Variants in HEG1 observed in about 807,000 individuals in gnomAD.
HEG1 encodes the protein protein HEG homolog 1.
In HEG1, 56 loss-of-function variants were observed where a neutral mutation model predicts 125.6. That is an observed-to-expected ratio of 0.45 (90% CI 0.36 to 0.56). The LOEUF is 0.56. Among genes scored for constraint, HEG1 ranks in the 20% least tolerant of loss-of-function variants. HEG1 has a pLI of 0.00. For missense variants in HEG1, 1,523 were observed against 1,670.0 expected, an observed-to-expected ratio of 0.91 and a Z score of 1.53; for synonymous variants, 644 against 668.5, an observed-to-expected ratio of 0.96 and a Z score of 0.57.
chr3:125,001,735 C>T (rs532860828), intron 11 of HEG1, 117 bp downstream of exon 11: 2 of 1,145,326 alleles, frequency 1.7e-6, no homozygotes, highest in African/African-American at 1.6e-5. Flanking sequence ...ACACCCATGC[C>T]AAAAATAGGC....
At position 124,968,343 on chromosome 3, in the gene HEG1, C is replaced by T. The variant is rs1210458791; in HGVS notation, c.*2309G>A. On this transcript the variant is annotated 3_prime_UTR_variant, in exon 17 of 17. Coordinates refer to ENST00000311127, the MANE Select transcript of HEG1 (RefSeq NM_020733.2). ...AGCCTCATGCTCTGGAGGTGCCTTC[C>T]CCACCCCCAAACGCCTCCTGGAAAC... 6.6e-6 allele frequency: 1 copy of T among 152,326 alleles called. No individual in the cohort carries two copies. Among genetic ancestry groups the T allele is most frequent in the Non-Finnish European group, 1.5e-5 (1 of 68,140 alleles). 9.4% of individuals were successfully genotyped at this position (152,326 alleles called of 1,614,324 possible).
intron 1 of HEG1, among the ~76,000 whole-genome samples, chr3:125,031,366 T>A (rs1175177306): frequency 6.6e-6 from 1 of 152,148 alleles, no homozygotes; most frequent in African/African-American, 2.4e-5. Context: ...CAAACTAATT[T>A]GGAATCCAAT....
chr3:125,027,634 C>T, intron 2 of HEG1, 127 bp from the exon 3 acceptor site: 1 of 793,484 alleles, frequency 1.3e-6, no homozygotes, highest in Non-Finnish European at 1.9e-6. Context: ...GAGAATAATT[C>T]AGTCTATGAA....
intron 1 of HEG1, among the ~76,000 whole-genome samples, chr3:125,041,796 A>G (rs1937595631): frequency 6.6e-6 from 1 of 152,238 alleles, no homozygotes; most frequent in Admixed American, 6.5e-5. Flanking sequence ...AACACATGCT[A>G]CAACATGGGT....
At chr3:125,019,042 A>G (rs1050664848) in intron 5 of HEG1, among the ~76,000 whole-genome samples, 4 of 151,736 alleles carry the variant, frequency 2.6e-5, no homozygotes, top group Non-Finnish European at 5.9e-5. Flanking sequence ...AATTTTTTGT[A>G]TTGTTAGTAG....
At chr3:125,031,503 C>T (rs1327871602) in intron 1 of HEG1, among the ~76,000 whole-genome samples, 2 of 152,116 alleles carry the variant, frequency 1.3e-5, no homozygotes, top group East Asian at 3.8e-4. Flanking sequence ...TGTTATTTCT[C>T]TTTCTGTTTG....
At chr3:125,018,202 C>A (rs979686861) in intron 5 of HEG1, among the ~76,000 whole-genome samples, 1 of 151,938 alleles carries the variant, frequency 6.6e-6, no homozygotes, top group Non-Finnish European at 1.5e-5. Flanking sequence ...TATTAAGCCA[C>A]GAAAAGGAAC....
At position 125,033,331 on chromosome 3, in the gene HEG1, G is replaced by A. The variant is rs118130837; in HGVS notation, c.317-3843C>T. The stretch of plus-strand genomic sequence containing the variant: ...ACCTTGAATTTCTGTTCTGATGGCT[G>A]CCAAGAATCAGGAGATGGGAGCCAC... On this transcript the variant is annotated intron_variant, in intron 1 of 16. Coordinates refer to ENST00000311127, the MANE Select transcript of HEG1 (RefSeq NM_020733.2). Among the ~76,000 whole-genome samples, 11 of 152,212 alleles carry A rather than the reference G, an allele frequency of 7.2e-5. No individual in the cohort carries two copies. In the East Asian group the frequency reaches 2.1e-3, roughly 29 times the overall value.
intron 3 of HEG1, among the ~76,000 whole-genome samples, chr3:125,026,445 T>C (rs2107706231): frequency 6.6e-6 from 1 of 152,218 alleles, no homozygotes. Flanking sequence ...GAGCTGAGAC[T>C]TAAGTGATGA....
chr3:125,001,199 C>G (rs1319876923), intron 11 of HEG1, among the ~76,000 whole-genome samples: 2 of 150,982 alleles, frequency 1.3e-5, no homozygotes, highest in African/African-American at 4.9e-5. Flanking sequence ...AATGTGCAAA[C>G]AAACAAACAC....
intron 3 of HEG1, among the ~76,000 whole-genome samples, chr3:125,023,231 A>G (rs1012266766): frequency 8.8e-6 from 1 of 113,036 alleles, no homozygotes; most frequent in Non-Finnish European, 2.0e-5. Context: ...AAACAAAACA[A>G]ACAAACCAAA....
intron 5 of HEG1, among the ~76,000 whole-genome samples, chr3:125,017,764 C>CA (rs750609525): frequency 9.9e-5 from 15 of 151,462 alleles, no homozygotes; most frequent in Non-Finnish European, 1.9e-4. Flanking sequence ...CTCATGCCTG[C>CA]AATCCCAGCA....
In HEG1 at chr3:125,020,990, G is replaced by T. The variant is rs1937327067; in HGVS notation, c.1054C>A (p.Pro352Thr). The T allele has an allele frequency of 6.2e-7, 1 of 1,613,744 alleles. No individual in the cohort carries two copies. The highest frequency in any genetic ancestry group is 1.7e-5 in the Admixed American group (1 of 59,988). The part of the protein sequence containing the change: ...TLRSLTVSLG[P>T]VSKTEGFPKD... Reference sequence around the variant, plus strand: ...GGGAAGCCTTCTGTCTTGCTCACAGGTCCCAGACTGACCGTCAAAGATCGC... The same window carrying T: ...GGGAAGCCTTCTGTCTTGCTCACAGTTCCCAGACTGACCGTCAAAGATCGC... The change falls in exon 4 of 17, where the codon CCT becomes ACT. Residue 352 changes from proline to threonine, a missense_variant. Coordinates refer to ENST00000311127, the MANE Select transcript of HEG1 (RefSeq NM_020733.2).
At chr3:125,017,864 TAA>T (rs1285881755) in intron 5 of HEG1, among the ~76,000 whole-genome samples, 7 of 134,586 alleles carry the variant, frequency 5.2e-5, no homozygotes, top group Non-Finnish European at 9.7e-5. Flanking sequence ...ACTGAAAATA[TAA>T]AAAAAAAAAA....
intron 12 of HEG1, among the ~76,000 whole-genome samples, chr3:124,993,576 T>C (rs1009430081): frequency 6.6e-6 from 1 of 152,188 alleles, no homozygotes; most frequent in African/African-American, 2.4e-5. Context: ...GATCCATGGA[T>C]GGCTAACGCT....
chr3:125,015,791 G>GA (rs200213969), intron 5 of HEG1, among the ~76,000 whole-genome samples: 13 of 149,972 alleles, frequency 8.7e-5, no homozygotes, highest in African/African-American at 1.2e-4. Flanking sequence ...TGTACAAAAA[G>GA]AAAAAAAAAC....
chr3:124,993,079 C>T (rs1236918862), intron 12 of HEG1, among the ~76,000 whole-genome samples: 2 of 152,152 alleles, frequency 1.3e-5, no homozygotes, highest in African/African-American at 4.8e-5. Context: ...TGCTCCTGAA[C>T]AGCTGCTCTT....
intron 3 of HEG1, among the ~76,000 whole-genome samples, chr3:125,023,258 T>C (rs1339732018): frequency 6.6e-6 from 1 of 152,028 alleles, no homozygotes; most frequent in African/African-American, 2.4e-5. Context: ...CCAGTGGTGA[T>C]ACTGAATTCA....
intron 6 of HEG1, among the ~76,000 whole-genome samples, chr3:125,012,229 C>T (rs1452638828): frequency 6.6e-6 from 1 of 152,128 alleles, no homozygotes; most frequent in East Asian, 1.9e-4. Context: ...AGCCAGGCCT[C>T]CTAAGCTTCT....
Sources: allele counts gnomAD v4.1 joint callset (sites outside exome capture counted in the v4.1 genomes callset), GRCh38; gene constraint gnomAD v4.1.1; transcripts MANE v1.5; gene names NCBI Gene and HGNC (gene_info 2026-07-23, HGNC 2026-07-21).